Variants in TSPAN14 observed in about 807,000 individuals in gnomAD.
TSPAN14 encodes tetraspanin 14.
Under a neutral mutation model 36.6 loss-of-function variants are expected in TSPAN14, and 16 were observed. The observed-to-expected ratio is 0.44, with a 90% CI of 0.30 to 0.66. The LOEUF (loss-of-function observed/expected upper bound fraction) is 0.66. Ranked by LOEUF, TSPAN14 falls within the 30% of genes least tolerant of loss-of-function variation. The pLI, the probability that TSPAN14 is intolerant of heterozygous loss-of-function variation, is 0.12. For synonymous variants in TSPAN14, 139 were observed against 143.8 expected (o/e 0.97, Z 0.24); for missense variants, 231 against 355.1 (o/e 0.65, Z 2.81).
At chr10:80,487,125 G>A (rs952874763) in intron 1 of TSPAN14, among the ~76,000 whole-genome samples, 1 of 152,160 alleles carries the variant, frequency 6.6e-6, no homozygotes, top group African/African-American at 2.4e-5. Context: ...GAAACAAGCT[G>A]GTGAATGCTA....
intron 1 of TSPAN14, among the ~76,000 whole-genome samples, chr10:80,466,745 A>G (rs1384798497): frequency 6.6e-6 from 1 of 152,218 alleles, no homozygotes; most frequent in East Asian, 1.9e-4. Context: ...TCCTGGGAAA[A>G]GCACGGTCTC....
intron 1 of TSPAN14, among the ~76,000 whole-genome samples, chr10:80,475,706 C>G (rs1231612254): frequency 6.6e-6 from 1 of 152,134 alleles, no homozygotes; most frequent in East Asian, 1.9e-4. Context: ...TCTGCCTCAG[C>G]CTCCCAAGTA....
At chr10:80,491,394 T>A (rs781728214) in intron 2 of TSPAN14, among the ~76,000 whole-genome samples, 31 of 152,158 alleles carry the variant, frequency 2.0e-4, no homozygotes, top group Non-Finnish European at 3.7e-4. Flanking sequence ...GGCAAGTATA[T>A]GGTGGAGGTT....
intron 1 of TSPAN14, among the ~76,000 whole-genome samples, chr10:80,487,763 G>A (rs560833356): frequency 7.2e-5 from 11 of 152,082 alleles, no homozygotes; most frequent in Admixed American, 2.6e-4. Context: ...TGGGGATAGG[G>A]CAGCTGGGTA....
intron 2 of TSPAN14, among the ~76,000 whole-genome samples, chr10:80,497,923 AC>A (rs1848283034): frequency 6.6e-6 from 1 of 152,060 alleles, no homozygotes; most frequent in Non-Finnish European, 1.5e-5. Flanking sequence ...TAGCTATGTG[AC>A]CCCATGCAAG....
At chr10:80,454,745 G>A (rs188319287) in intron 1 of TSPAN14, among the ~76,000 whole-genome samples, 2,016 of 152,308 alleles carry the variant, frequency 0.013, 37 homozygotes, top group African/African-American at 0.043. Context: ...GACGGCCGCT[G>A]CTGCTCGGGG....
At chr10:80,518,144 C>A in exon 9 of TSPAN14, 1 of 705,790 alleles carries the variant, frequency 1.4e-6, no homozygotes. Flanking sequence ...GTGCTGAAGA[C>A]CAAGGGTCCC....
intron 1 of TSPAN14, chr10:80,485,807 A>G (rs1847558211): frequency 1.9e-6 from 1 of 523,378 alleles, no homozygotes; most frequent in Non-Finnish European, 2.5e-6. Context: ...TTATTGCAAT[A>G]GTTTCCTCTT....
Position 80,509,626 on chromosome 10 carries a change from G to T in TSPAN14, c.450+155G>T. 2 of 760,034 alleles carry T rather than the reference G, an allele frequency of 2.6e-6. No individual in the cohort carries two copies. The highest frequency in any genetic ancestry group is 4.1e-6 in the Non-Finnish European group (2 of 484,572). 47.1% of individuals were successfully genotyped at this position (760,034 alleles called of 1,614,324 possible). ...CGTGGAACAAGCCACTCCACCTCTGGTCTGTTCCACTTTGCCGGCTTGTGG... is the reference window on the plus strand; with the variant it reads ...CGTGGAACAAGCCACTCCACCTCTGTTCTGTTCCACTTTGCCGGCTTGTGG... On this transcript the variant is annotated intron_variant, in intron 5 of 8. Coordinates refer to ENST00000429989, the Ensembl canonical transcript of TSPAN14. The surrounding 1 kb of genome is among the most constrained non-coding windows in gnomAD (Gnocchi z 4.7).
chr10:80,476,409 GTTTT>G (rs60589813), intron 1 of TSPAN14, among the ~76,000 whole-genome samples: 2,428 of 85,136 alleles, frequency 0.029, 75 homozygotes, highest in African/African-American at 0.095. Context: ...TTGTTTTACT[GTTTT>G]TTTTTTTTTT....
At chr10:80,485,942 G>C (rs1206307831) in intron 1 of TSPAN14, among the ~76,000 whole-genome samples, 1 of 152,222 alleles carries the variant, frequency 6.6e-6, no homozygotes, top group Non-Finnish European at 1.5e-5. Context: ...ATGTGCTCTG[G>C]GTTGTAAGTG....
intron 1 of TSPAN14, among the ~76,000 whole-genome samples, chr10:80,467,842 C>T (rs1275269171): frequency 6.6e-6 from 1 of 152,132 alleles, no homozygotes; most frequent in Non-Finnish European, 1.5e-5. Context: ...CCTTGGACCT[C>T]GCCTTGGCTT....
rs147265544 is a variant in TSPAN14, at chr10:80,460,272, G to T, written c.-18+5901G>T. Among the ~76,000 whole-genome samples, 6 of 152,286 alleles carry T rather than the reference G, an allele frequency of 3.9e-5. No homozygotes were observed. The East Asian group carries it at 1.2e-3, about 29-fold the overall frequency. On this transcript the variant is annotated intron_variant, in intron 1 of 8. Coordinates refer to ENST00000429989, the Ensembl canonical transcript of TSPAN14. Reference sequence around the variant, plus strand: ...AAACTTAGCTAACTGAATTCTTGCTGCAGGCAGGCCAGGGTGATCAGGTTT... The same window carrying T: ...AAACTTAGCTAACTGAATTCTTGCTTCAGGCAGGCCAGGGTGATCAGGTTT...
At chr10:80,464,122 A>AG (rs1045376607) in intron 1 of TSPAN14, among the ~76,000 whole-genome samples, 1 of 152,108 alleles carries the variant, frequency 6.6e-6, no homozygotes, top group Non-Finnish European at 1.5e-5. Flanking sequence ...TGGGGTGTGA[A>AG]GGGGGAGCGT....
intron 1 of TSPAN14, among the ~76,000 whole-genome samples, chr10:80,476,409 GTTTTTTTTTTTTTTT>G (rs60589813): frequency 1.2e-5 from 1 of 85,046 alleles, no homozygotes; most frequent in African/African-American, 4.2e-5. Context: ...TTGTTTTACT[GTTTTTTTTTTTTTTT>G]TTTTTTTTTG....
At chr10:80,487,168 G>C (rs559375134) in intron 1 of TSPAN14, among the ~76,000 whole-genome samples, 6 of 152,164 alleles carry the variant, frequency 3.9e-5, no homozygotes, top group Admixed American at 6.5e-5. Context: ...TTGCCTACAC[G>C]GAGCCCCTCT....
intron 1 of TSPAN14, among the ~76,000 whole-genome samples, chr10:80,484,965 A>G (rs1197843999): frequency 6.6e-6 from 1 of 152,178 alleles, no homozygotes; most frequent in Non-Finnish European, 1.5e-5. Flanking sequence ...CTGTTAAACA[A>G]TTCTCCCTTT....
intron 1 of TSPAN14, among the ~76,000 whole-genome samples, chr10:80,488,381 T>C (rs1008800660): frequency 6.6e-6 from 1 of 152,152 alleles, no homozygotes; most frequent in Non-Finnish European, 1.5e-5. Context: ...ATCTCTGAGG[T>C]TGCTTTGAGG....
chr10:80,483,503 T>G (rs560509958), intron 1 of TSPAN14, among the ~76,000 whole-genome samples: 9 of 152,350 alleles, frequency 5.9e-5, no homozygotes, highest in South Asian at 2.1e-4. Flanking sequence ...GACCTTTTTT[T>G]GGGTGGTAAA....
Sources: allele counts gnomAD v4.1 joint callset (sites outside exome capture counted in the v4.1 genomes callset), GRCh38; gene constraint gnomAD v4.1.1; non-coding constraint Gnocchi (gnomAD v3.1); transcripts MANE v1.5; gene names NCBI Gene and HGNC (gene_info 2026-07-23, HGNC 2026-07-21).